EFNA5: variants seen among roughly 807,000 people sequenced by gnomAD.
The protein encoded by EFNA5 is ephrin A5.
Under a neutral mutation model 22.9 loss-of-function variants are expected in EFNA5, and 5 were observed. The observed-to-expected ratio is 0.22, with a 90% confidence interval of 0.11 to 0.46. EFNA5 has a LOEUF of 0.46. Among genes scored for constraint, EFNA5 ranks in the 20% least tolerant of loss-of-function variants. EFNA5 has a pLI of 0.99. For synonymous variants in EFNA5, 113 were observed against 112.2 expected, an observed-to-expected ratio of 1.01 and a Z score of -0.04; for missense variants, 237 against 293.3, an observed-to-expected ratio of 0.81 and a Z score of 1.40.
chr5:107,445,901 A>G (rs1749379098), intron 1 of EFNA5, among the ~76,000 whole-genome samples: 1 of 152,200 alleles, frequency 6.6e-6, no homozygotes, highest in East Asian at 1.9e-4. Flanking sequence ...AGATGTTTCA[A>G]CTTTATCTTC....
intron 1 of EFNA5, among the ~76,000 whole-genome samples, chr5:107,496,164 T>TAAAAA (rs35565454): frequency 9.7e-5 from 9 of 93,192 alleles, no homozygotes; most frequent in Non-Finnish European, 1.5e-4. Flanking sequence ...CTGTCTCTGC[T>TAAAAA]AAAAAAAAAA....
chr5:107,609,802 T>C (rs1213937851), intron 1 of EFNA5, among the ~76,000 whole-genome samples: 1 of 152,158 alleles, frequency 6.6e-6, no homozygotes, highest in African/African-American at 2.4e-5. Flanking sequence ...ACCGTGCCCC[T>C]GCCCGCCGCC....
intron 1 of EFNA5, among the ~76,000 whole-genome samples, chr5:107,472,809 CAGATAG>C (rs1482693205): frequency 6.6e-6 from 1 of 152,206 alleles, no homozygotes; most frequent in East Asian, 1.9e-4. Flanking sequence ...GAATGACAAA[CAGATAG>C]AGATCAGTAA....
intron 1 of EFNA5, among the ~76,000 whole-genome samples, chr5:107,639,765 CAAAT>C (rs1284029364): frequency 6.6e-6 from 1 of 151,998 alleles, no homozygotes; most frequent in Non-Finnish European, 1.5e-5. Context: ...CATTATCAAA[CAAAT>C]GTCTATTAAA....
intron 1 of EFNA5, among the ~76,000 whole-genome samples, chr5:107,442,647 G>A (rs1749285791): frequency 6.6e-6 from 1 of 151,866 alleles, no homozygotes; most frequent in African/African-American, 2.4e-5. Context: ...TCATTTTATT[G>A]CCCTAATGAA....
At chr5:107,497,979 G>A (rs528744342) in intron 1 of EFNA5, among the ~76,000 whole-genome samples, 6 of 152,132 alleles carry the variant, frequency 3.9e-5, no homozygotes, top group Admixed American at 1.3e-4. Flanking sequence ...GCAGTGGCGC[G>A]ATCTCGGCTT....
intron 1 of EFNA5, among the ~76,000 whole-genome samples, chr5:107,497,655 A>G (rs1444427589): frequency 6.6e-6 from 1 of 152,184 alleles, no homozygotes; most frequent in Non-Finnish European, 1.5e-5. Context: ...ATCTGAGGCT[A>G]TAGACCACCT....
intron 1 of EFNA5, among the ~76,000 whole-genome samples, chr5:107,520,870 C>G (rs939520585): frequency 1.3e-5 from 2 of 152,152 alleles, no homozygotes; most frequent in African/African-American, 4.8e-5. Context: ...ACTTAGCAGT[C>G]ATTCATACCC....
At position 107,597,362 on chromosome 5, in the gene EFNA5, T is replaced by G. The variant is rs1379988022; in HGVS notation, c.125+73127A>C. On this transcript the variant is annotated intron_variant, in intron 1 of 4. Coordinates refer to ENST00000333274, the MANE Select transcript of EFNA5 (RefSeq NM_001962.3). Reference sequence around the variant, plus strand: ...AACCTAACAAATTCCAATGTAAGCTTCCACTCAGCCAACATTACTTGGAAA... The same window carrying G: ...AACCTAACAAATTCCAATGTAAGCTGCCACTCAGCCAACATTACTTGGAAA... Among the ~76,000 whole-genome samples, 5 of 152,256 alleles carry G rather than the reference T, an allele frequency of 3.3e-5. No homozygotes were observed. In the Middle Eastern group the frequency reaches 0.014, roughly 414 times the overall value.
intron 2 of EFNA5, among the ~76,000 whole-genome samples, chr5:107,422,465 G>C (rs1489381199): frequency 1.3e-5 from 2 of 152,312 alleles, no homozygotes; most frequent in East Asian, 3.9e-4. Context: ...TATATAGAGA[G>C]GTCAGAGTCG....
At chr5:107,632,998 C>T (rs1179423622) in intron 1 of EFNA5, among the ~76,000 whole-genome samples, 1 of 152,142 alleles carries the variant, frequency 6.6e-6, no homozygotes, top group Non-Finnish European at 1.5e-5. Flanking sequence ...GTTACAAGGG[C>T]ACTTTTGTGT....
Position 107,670,809 on chromosome 5 carries a change from G to A in EFNA5, c.-196C>T, listed in dbSNP as rs1044907809. ...GGGTAGGAGAGCGAGAAGAAAAGAA[G>A]GCGGTGGGATGGGGGGTGATAAAGA... On this transcript the variant is annotated 5_prime_UTR_variant, in exon 1 of 5. Transcript: ENST00000333274. The A allele has an allele frequency of 2.9e-6, 2 of 686,874 alleles. No homozygotes were observed. Among genetic ancestry groups the A allele is most frequent in the East Asian group, 2.8e-5 (1 of 35,546 alleles). The allele number at this position is 686,874 out of a possible 1,614,324, so 42.5% of individuals were successfully genotyped here.
chr5:107,391,094 G>T (rs142390841), intron 2 of EFNA5, among the ~76,000 whole-genome samples: 1 of 152,190 alleles, frequency 6.6e-6, no homozygotes, highest in Non-Finnish European at 1.5e-5. Context: ...AGGAGGCAGA[G>T]GTTGCAGTGA....
At chr5:107,445,627 G>A (rs377639305) in intron 1 of EFNA5, among the ~76,000 whole-genome samples, 19 of 152,118 alleles carry the variant, frequency 1.2e-4, no homozygotes, top group East Asian at 1.2e-3. Flanking sequence ...AGGGATGTTC[G>A]ACAGAGGCAG....
intron 1 of EFNA5, among the ~76,000 whole-genome samples, chr5:107,475,957 C>G (rs1013266758): frequency 3.4e-5 from 5 of 147,088 alleles, no homozygotes; most frequent in Admixed American, 6.8e-5. Context: ...TCATGTTTTT[C>G]ACAGCACGGC....
At chr5:107,429,953 A>T (rs1486064482) in intron 1 of EFNA5, among the ~76,000 whole-genome samples, 1 of 152,172 alleles carries the variant, frequency 6.6e-6, no homozygotes, top group African/African-American at 2.4e-5. Flanking sequence ...ACTCCACTTG[A>T]CCCTTGCTCT....
chr5:107,490,529 A>G (rs914524222), intron 1 of EFNA5, among the ~76,000 whole-genome samples: 1 of 151,906 alleles, frequency 6.6e-6, no homozygotes, highest in Non-Finnish European at 1.5e-5. Context: ...TTGCATCCTC[A>G]CCCTGCAGCA....
At chr5:107,653,600 G>C (rs1750775115) in intron 1 of EFNA5, among the ~76,000 whole-genome samples, 1 of 152,124 alleles carries the variant, frequency 6.6e-6, no homozygotes, top group African/African-American at 2.4e-5. Context: ...AGTCCCCAGA[G>C]GTTTCTAGAT....
At chr5:107,395,859 A>C (rs546645519) in intron 2 of EFNA5, among the ~76,000 whole-genome samples, 2 of 152,222 alleles carry the variant, frequency 1.3e-5, no homozygotes, top group Non-Finnish European at 2.9e-5. Flanking sequence ...TAACAACAAA[A>C]ACAAAAACTC....
Sources: gnomAD v4.1 joint callset for allele counts (sites outside exome capture counted in the v4.1 genomes callset) on GRCh38, gnomAD v4.1.1 for gene constraint, MANE v1.5 for transcripts, NCBI Gene and HGNC (gene_info 2026-07-23, HGNC 2026-07-21) for gene names.